The following ABLIM3 variants were observed in gnomAD, a reference collection of about 807,000 sequenced individuals.
ABLIM3 encodes actin-binding LIM protein 3.
In ABLIM3, 61 loss-of-function variants were observed where a neutral mutation model predicts 109.5. That is an observed-to-expected ratio of 0.56 (90% CI 0.45 to 0.69). The LOEUF (loss-of-function observed/expected upper bound fraction) is 0.69, where lower values mean the gene tolerates loss of function less well. ABLIM3 is among the 30% of genes least tolerant of loss of function. The pLI is 0.00. For synonymous variants in ABLIM3, 300 were observed against 324.8 expected (o/e 0.92, Z 0.82); for missense variants, 796 against 889.5 (o/e 0.89, Z 1.34).
chr5:149,217,608 C>T (rs191570469), intron 8 of ABLIM3: 34 of 156,410 alleles, frequency 2.2e-4, no homozygotes, highest in Admixed American at 3.8e-4. Context: ...TTACAACAGT[C>T]CCCTAATTAG....
At chr5:149,156,978 G>A (rs1753912681) in intron 2 of ABLIM3, among the ~76,000 whole-genome samples, 1 of 152,238 alleles carries the variant, frequency 6.6e-6, no homozygotes, top group Non-Finnish European at 1.5e-5. Flanking sequence ...TGAGATTCTA[G>A]TCCAAAATGA....
At chr5:149,187,070 A>C (rs1202393418) in intron 3 of ABLIM3, among the ~76,000 whole-genome samples, 1 of 152,202 alleles carries the variant, frequency 6.6e-6, no homozygotes, top group Admixed American at 6.5e-5. Flanking sequence ...TGGTAAAAAT[A>C]AAAAAGAAGC....
intron 23 of ABLIM3, 88 bp from the exon 24 acceptor site, chr5:149,258,198 ACCCAC>A: frequency 9.0e-7 from 1 of 1,113,608 alleles, no homozygotes; most frequent in Non-Finnish European, 1.3e-6. Context: ...AACATGCAGC[ACCCAC>A]TGCTGCCTCC....
rs577616791 is a variant in ABLIM3 at position 149,255,958 on chromosome 5, C to T, written c.1939-2333C>T. 2.6e-5 allele frequency among the ~76,000 whole-genome samples: 4 copies of T among 152,334 alleles called. No homozygotes were observed. In the South Asian group the frequency reaches 8.3e-4, roughly 32 times the overall value. On this transcript the variant is annotated intron_variant, in intron 23 of 23. Coordinates refer to ENST00000309868, the MANE Select transcript of ABLIM3 (RefSeq NM_014945.5). ...GAGACACTAGGATGCTCCCATTTTC[C>T]AGAAAAGGAAATTGAAGTTCAGGAG...
chr5:149,181,649 A>G (rs913854248), intron 2 of ABLIM3, among the ~76,000 whole-genome samples: 1 of 152,224 alleles, frequency 6.6e-6, no homozygotes, highest in Admixed American at 6.5e-5. Context: ...ATGGGAGATG[A>G]TCAGAAGTCC....
chr5:149,249,510 C>T (rs555612047), intron 18 of ABLIM3, among the ~76,000 whole-genome samples: 26 of 152,320 alleles, frequency 1.7e-4, no homozygotes, highest in African/African-American at 5.8e-4. Flanking sequence ...GCCCTGGCTG[C>T]GGGGTCTGTG....
At chr5:149,179,318 G>C (rs911238667) in intron 2 of ABLIM3, among the ~76,000 whole-genome samples, 3 of 128,634 alleles carry the variant, frequency 2.3e-5, no homozygotes, top group Non-Finnish European at 5.0e-5. Flanking sequence ...TTGTTTGTTT[G>C]TTTGTTTTGT....
intron 5 of ABLIM3, among the ~76,000 whole-genome samples, chr5:149,203,389 T>A (rs557856232): frequency 6.9e-6 from 1 of 144,322 alleles, no homozygotes; most frequent in African/African-American, 2.4e-5. Context: ...AAAAACCTCA[T>A]TGAGAGCAAT....
intron 3 of ABLIM3, among the ~76,000 whole-genome samples, chr5:149,194,993 A>G (rs17109742): frequency 0.05 from 7,583 of 152,288 alleles, 575 homozygotes; most frequent in African/African-American, 0.17. Context: ...AATGTTCTGA[A>G]TAATGAATTA....
At chr5:149,192,721 C>T (rs4318764) in intron 3 of ABLIM3, among the ~76,000 whole-genome samples, 64,734 of 151,086 alleles carry the variant, frequency 0.43, 14,549 homozygotes, top group East Asian at 0.68. Flanking sequence ...AAAGCTTTAA[C>T]GAAATAGTGT....
intron 2 of ABLIM3, among the ~76,000 whole-genome samples, chr5:149,165,137 A>G (rs1217708850): frequency 3.9e-5 from 6 of 152,216 alleles, no homozygotes; most frequent in African/African-American, 1.4e-4. Context: ...TCACAGTGGG[A>G]AGGGGCCTTC....
intron 6 of ABLIM3, among the ~76,000 whole-genome samples, chr5:149,208,380 CTCTCTCAATTTCTCTT>C (rs1214421526): frequency 0.017 from 2,192 of 131,340 alleles, 53 homozygotes; most frequent in African/African-American, 0.059. Context: ...CTCTCTCTCT[CTCTCTCAATTTCTCTT>C]TCTCTCTCTC....
intron 2 of ABLIM3, among the ~76,000 whole-genome samples, chr5:149,171,145 A>T (rs552842644): frequency 6.6e-6 from 1 of 152,344 alleles, no homozygotes; most frequent in East Asian, 1.9e-4. Context: ...TGAAACATAT[A>T]AATTGAGTGC....
chr5:149,250,293 A>G (rs1373504583), intron 19 of ABLIM3, among the ~76,000 whole-genome samples, 154 bp from the exon 20 acceptor site: 1 of 152,164 alleles, frequency 6.6e-6, no homozygotes, highest in Admixed American at 6.5e-5. Flanking sequence ...TCAAGTTGCA[A>G]ATCTGGAGAG....
Position 149,239,232 on chromosome 5 carries a change from A to G in ABLIM3, c.1045-16A>G. ...CTGCTCGTTCCACAACTGCCTTCAA[A>G]CTCTTCACTTCTAAGTCGCTGGGAA... On this transcript the variant is annotated splice_polypyrimidine_tract_variant and intron_variant, in intron 11 of 23. Transcript: ENST00000309868. 6.2e-7 allele frequency: 1 copy of G among 1,613,354 alleles called. No individual in the cohort carries two copies. Among genetic ancestry groups the G allele is most frequent in the South Asian group, 1.1e-5 (1 of 91,032 alleles).
chr5:149,162,224 G>A (rs1374232342), intron 2 of ABLIM3, among the ~76,000 whole-genome samples: 1 of 152,192 alleles, frequency 6.6e-6, no homozygotes, highest in Non-Finnish European at 1.5e-5. Flanking sequence ...GTTGCTGGCT[G>A]TGTTTCTTTC....
Position 149,160,853 on chromosome 5 carries a change from G to A in ABLIM3, c.13+18745G>A, listed in dbSNP as rs376953628. ...TACACACAGGCTAACTGTCTAACAT[G>A]GGGGAATTGTCCTCCATCTCCAGGG... On this transcript the variant is annotated intron_variant, in intron 2 of 23. Transcript: ENST00000309868. Among the ~76,000 whole-genome samples, 138 of 152,280 alleles carry A rather than the reference G, an allele frequency of 9.1e-4. 3 individuals carry two copies. The South Asian group carries it at 0.028, about 30-fold the overall frequency.
intron 3 of ABLIM3, among the ~76,000 whole-genome samples, chr5:149,194,089 A>G (rs540525497): frequency 6.6e-6 from 1 of 152,298 alleles, no homozygotes; most frequent in East Asian, 1.9e-4. Flanking sequence ...TCAACAACGT[A>G]AAAACTGAGA....
intron 7 of ABLIM3, among the ~76,000 whole-genome samples, chr5:149,215,503 A>G (rs1344099728): frequency 2.1e-5 from 3 of 145,756 alleles, no homozygotes; most frequent in Non-Finnish European, 4.5e-5. Flanking sequence ...CATCCCAACA[A>G]TCTTCCACTC....
Sources: gnomAD v4.1 joint callset for allele counts (sites outside exome capture counted in the v4.1 genomes callset) on GRCh38, gnomAD v4.1.1 for gene constraint, MANE v1.5 for transcripts, NCBI Gene and HGNC (gene_info 2026-07-23, HGNC 2026-07-21) for gene names.